GPR63: variants seen among roughly 807,000 people sequenced by gnomAD.
GPR63 encodes the protein G protein-coupled receptor 63.
In GPR63, 12 loss-of-function variants were observed where a neutral mutation model predicts 23.1. That is an observed-to-expected ratio of 0.52 (90% CI 0.33 to 0.84). The LOEUF (loss-of-function observed/expected upper bound fraction) is 0.84, where lower values mean the gene tolerates loss of function less well. Among genes scored for constraint, GPR63 ranks in the 40% least tolerant of loss-of-function variants. The pLI, the probability that GPR63 is intolerant of heterozygous loss-of-function variation, is 0.02. For synonymous variants in GPR63, 172 were observed against 191.1 expected, an observed-to-expected ratio of 0.90 and a Z score of 0.82; for missense variants, 472 against 515.6, an observed-to-expected ratio of 0.92 and a Z score of 0.82.
rs182086415 is a variant in GPR63, at chr6:96,797,791, T to A, written c.*681A>T. 6.6e-6 allele frequency: 1 copy of A among 152,258 alleles called. No individual in the cohort carries two copies. The highest frequency in any genetic ancestry group is 1.5e-5 in the Non-Finnish European group (1 of 68,046). The allele number at this position is 152,258 out of a possible 1,614,324, so 9.4% of individuals were successfully genotyped here. ...AGAGTTGCTATTGTGCTTAGAAAAG[T>A]ATCTACATTTTATGTTCTCTTTTAC... On this transcript the variant is annotated 3_prime_UTR_variant, in exon 2 of 2. Coordinates refer to ENST00000229955, the MANE Select transcript of GPR63 (RefSeq NM_030784.4).
chr6:96,810,456 C>G (rs890811585), intron 1 of GPR63, among the ~76,000 whole-genome samples: 2 of 150,822 alleles, frequency 1.3e-5, no homozygotes, highest in African/African-American at 4.9e-5. Flanking sequence ...GATCATGCCA[C>G]TGCACTCCAG....
At chr6:96,803,037 T>C (rs1773810712) in intron 1 of GPR63, among the ~76,000 whole-genome samples, 1 of 152,130 alleles carries the variant, frequency 6.6e-6, no homozygotes. Flanking sequence ...AGCACGTATC[T>C]CCATTTCAGT....
chr6:96,799,476 C>A lies in GPR63; in HGVS notation c.256G>T (p.Ala86Ser). The A allele has an allele frequency of 6.2e-7, 1 of 1,614,048 alleles. No individual in the cohort carries two copies. The highest frequency in any genetic ancestry group is 8.5e-7 in the Non-Finnish European group (1 of 1,180,016). Residue 86 changes from alanine (A) to serine (S), a missense_variant, in exon 2 of 2, where the codon GCT (alanine) becomes TCT (serine). Coordinates refer to ENST00000229955, the MANE Select transcript of GPR63 (RefSeq NM_030784.4). ...LNLPLQITLS[A>S]IMIFILFVSF... ...ACAAACAGAATGAATATCATTATAGCAGAAAGGGTGATCTGAAGAGGCAAG... is the reference window on the plus strand; with the variant it reads ...ACAAACAGAATGAATATCATTATAGAAGAAAGGGTGATCTGAAGAGGCAAG...
chr6:96,807,292 T>C (rs1011505906), intron 1 of GPR63, among the ~76,000 whole-genome samples: 4 of 152,184 alleles, frequency 2.6e-5, no homozygotes, highest in Non-Finnish European at 4.4e-5. Flanking sequence ...ATACATGTGC[T>C]CAGCAACATG....
chr6:96,836,089 T>C (rs9487299), intron 1 of GPR63, among the ~76,000 whole-genome samples: 3,357 of 152,170 alleles, frequency 0.022, 115 homozygotes, highest in African/African-American at 0.07. Flanking sequence ...CTTAGATTTG[T>C]AGTTGGCAAT....
In GPR63 at chr6:96,799,593, T is replaced by G; in HGVS notation, c.139A>C (p.Ser47Arg). The G allele has an allele frequency of 1.9e-6, 3 of 1,614,204 alleles. No individual in the cohort carries two copies. The highest frequency in any genetic ancestry group is 2.5e-6 in the Non-Finnish European group (3 of 1,180,030). ...CCAGTGGGAGCCATGGTTTCAAAAC[T>G]ATATCTAAGCAATGGACTGAGGTCA... ...HPDLSPLLRYSFETMAPTGLS... is the reference protein window; with the variant it reads ...HPDLSPLLRYRFETMAPTGLS... The change falls in exon 2 of 2, where the codon AGT becomes CGT. Residue 47 changes from serine (S) to arginine (R), a missense_variant. Coordinates refer to ENST00000229955, the MANE Select transcript of GPR63 (RefSeq NM_030784.4).
intron 1 of GPR63, among the ~76,000 whole-genome samples, chr6:96,811,884 AT>A (rs1328276806): frequency 2.9e-5 from 4 of 139,882 alleles, no homozygotes; most frequent in African/African-American, 8.0e-5. Context: ...AAATAAATAA[AT>A]AAATAAAATA....
chr6:96,799,933 T>G (rs1773719117), intron 1 of GPR63, 52 bp from the exon 2 acceptor site: 38 of 578,116 alleles, frequency 6.6e-5, no homozygotes, highest in East Asian at 1.2e-4. Flanking sequence ...GATTTGCAAA[T>G]AACATTTAAC....
intron 1 of GPR63, among the ~76,000 whole-genome samples, chr6:96,822,368 C>T (rs1411179983): frequency 1.3e-5 from 2 of 151,770 alleles, no homozygotes; most frequent in Admixed American, 6.6e-5. Flanking sequence ...TGGGAAGGTT[C>T]CGAAAAAAAG....
intron 1 of GPR63, among the ~76,000 whole-genome samples, chr6:96,823,267 G>T (rs1168823190): frequency 2.6e-5 from 4 of 152,132 alleles, no homozygotes; most frequent in Non-Finnish European, 4.4e-5. Context: ...AGAAGGCATT[G>T]TTATCACAGG....
In GPR63 at chr6:96,798,578, A is replaced by G. The variant is rs773165756; in HGVS notation, c.1154T>C (p.Met385Thr). Residue 385 changes from methionine to threonine, a missense_variant, in exon 2 of 2, where the codon ATG becomes ACG. By Grantham distance (81) the Met-to-Thr change is moderately conservative. Transcript: ENST00000229955. ...IKKFHDACLD[M>T]MPKSFKFLPQ... ...CAAAAACTTGAAGGACTTAGGCATC[A>G]TGTCCAGGCAAGCATCATGGAATTT... 16 of 1,614,220 alleles carry G rather than the reference A, an allele frequency of 9.9e-6. No homozygotes were observed. In the South Asian group the frequency reaches 1.6e-4, roughly 17 times the overall value.
intron 1 of GPR63, among the ~76,000 whole-genome samples, chr6:96,830,452 T>C (rs1774552047): frequency 6.6e-6 from 1 of 152,096 alleles, no homozygotes; most frequent in African/African-American, 2.4e-5. Flanking sequence ...AAAAGGAAAA[T>C]GATACTTACT....
chr6:96,805,595 C>T (rs959375479), intron 1 of GPR63, among the ~76,000 whole-genome samples: 1 of 152,214 alleles, frequency 6.6e-6, no homozygotes. Flanking sequence ...CATCCCAGAA[C>T]TCATGCCATG....
Position 96,799,856 on chromosome 6 carries a change from T to C in GPR63, c.-125A>G, listed in dbSNP as rs1360119280. The C allele has an allele frequency of 3.3e-6, 3 of 920,568 alleles. No homozygotes were observed. In the Admixed American group the frequency reaches 6.1e-5, roughly 19 times the overall value. The allele number at this position is 920,568 out of a possible 1,614,324, so 57.0% of individuals were successfully genotyped here. ...ACATTCTGGAAAATGGACAATGAGTTCCATCTTCCACAAGAGTCCTTTTGC... is the reference window on the plus strand; with the variant it reads ...ACATTCTGGAAAATGGACAATGAGTCCCATCTTCCACAAGAGTCCTTTTGC... On this transcript the variant is annotated 5_prime_UTR_variant, in exon 2 of 2. Coordinates refer to ENST00000229955, the MANE Select transcript of GPR63 (RefSeq NM_030784.4).
rs1773634457 is a variant in GPR63 at position 96,797,931 on chromosome 6, A to G, written c.*541T>C. 1 of 152,488 alleles carries G rather than the reference A, an allele frequency of 6.6e-6. No individual in the cohort carries two copies. The highest frequency in any genetic ancestry group is 1.5e-5 in the Non-Finnish European group (1 of 68,224). The allele number at this position is 152,488 out of a possible 1,614,324, so 9.4% of individuals were successfully genotyped here. ...AATTCTGAAAAATAAGACTGAATTAATTTGTACATTATCTCTTAAAGTGCA... is the reference window on the plus strand; with the variant it reads ...AATTCTGAAAAATAAGACTGAATTAGTTTGTACATTATCTCTTAAAGTGCA... On this transcript the variant is annotated 3_prime_UTR_variant, in exon 2 of 2. Transcript: ENST00000229955.
chr6:96,833,031 C>T (rs1335746159), intron 1 of GPR63, among the ~76,000 whole-genome samples: 1 of 150,872 alleles, frequency 6.6e-6, no homozygotes, highest in African/African-American at 2.4e-5. Context: ...GCTGAGAGAA[C>T]AGACTTTCTG....
rs1774213890 is a variant in GPR63 at position 96,818,284 on chromosome 6, A to G, written c.-150-18403T>C. ...CAAGACCAGCCTGGCCAACATGGTG[A>G]AAACCCCTCTTTACTAAAAAATACA... On this transcript the variant is annotated intron_variant, in intron 1 of 1. Transcript: ENST00000229955. Among the ~76,000 whole-genome samples the G allele has an allele frequency of 3.3e-5, 5 of 152,044 alleles. No homozygotes were observed. The South Asian group carries it at 1.0e-3, about 32-fold the overall frequency.
chr6:96,810,622 TA>T (rs577794614), intron 1 of GPR63, among the ~76,000 whole-genome samples: 16 of 146,416 alleles, frequency 1.1e-4, no homozygotes, highest in East Asian at 4.0e-4. Flanking sequence ...CATCATATAC[TA>T]AAAAAAAAAG....
At position 96,798,947 on chromosome 6, in the gene GPR63, A is replaced by G; in HGVS notation, c.785T>C (p.Phe262Ser). 6.2e-7 allele frequency: 1 copy of G among 1,614,144 alleles called. No individual in the cohort carries two copies. Among genetic ancestry groups the G allele is most frequent in the Non-Finnish European group, 8.5e-7 (1 of 1,180,028 alleles). The change falls in exon 2 of 2, where the codon TTT (phenylalanine) becomes TCT (serine). Residue 262 changes from phenylalanine (F) to serine (S), a missense_variant. Transcript: ENST00000229955. Reference sequence around the variant, plus strand: ...CCGAAGGGTGTTGAGTATGCCCATAAATGAGTACAGTATTACCAGGAAGGG... The same window carrying G: ...CCGAAGGGTGTTGAGTATGCCCATAGATGAGTACAGTATTACCAGGAAGGG... ...FIPFLVILYS[F>S]MGILNTLRHN...
Sources: gnomAD v4.1 joint callset for allele counts (sites outside exome capture counted in the v4.1 genomes callset) on GRCh38, gnomAD v4.1.1 for gene constraint, MANE v1.5 for transcripts, NCBI Gene and HGNC (gene_info 2026-07-23, HGNC 2026-07-21) for gene names.